RNF135: variants seen among roughly 807,000 people sequenced by gnomAD.
The protein encoded by RNF135 is E3 ubiquitin-protein ligase RNF135.
A neutral mutation model predicts 41.9 loss-of-function variants in RNF135; 46 were observed. That is an observed-to-expected ratio of 1.10 (90% CI 0.87 to 1.40). The LOEUF is 1.40. RNF135 is among the 40% of genes most tolerant of loss of function. The probability of loss-of-function intolerance (pLI) is 0.00; values close to 1 mark genes in which losing one functional copy is unlikely to be tolerated. For missense variants in RNF135, 539 were observed against 549.8 expected (o/e 0.98, Z 0.20); for synonymous variants, 238 against 223.8 (o/e 1.06, Z -0.57).
Position 30,974,342 on chromosome 17 carries a change from G to A in RNF135, c.372+2897G>A, listed in dbSNP as rs372853106. On this transcript the variant is annotated intron_variant, in intron 1 of 4. Coordinates refer to ENST00000328381, the MANE Select transcript of RNF135 (RefSeq NM_032322.4). ...ATAAATAGAGAAGTGTGAGTTCTTT[G>A]ACTTTGTTTTTTGTTTTTTTTCCCC... Among the ~76,000 whole-genome samples the A allele has an allele frequency of 5.9e-4, 89 of 152,130 alleles. 1 individual carries two copies. In the South Asian group the frequency reaches 0.018, roughly 30 times the overall value.
intron 1 of RNF135, among the ~76,000 whole-genome samples, chr17:30,974,911 C>T (rs1182898573): frequency 1.3e-5 from 2 of 152,016 alleles, no homozygotes; most frequent in Non-Finnish European, 2.9e-5. Flanking sequence ...CTCTTGACCT[C>T]AGGTGATCTG....
At chr17:30,976,253 C>T (rs899330627) in intron 1 of RNF135, among the ~76,000 whole-genome samples, 6 of 152,196 alleles carry the variant, frequency 3.9e-5, no homozygotes, top group African/African-American at 7.2e-5. Context: ...ATCCACCCGC[C>T]TCGGCCTCCC....
At chr17:30,970,709 T>A (rs1905819219), upstream of RNF135, 1 of 301,156 alleles carries the variant, frequency 3.3e-6, no homozygotes, top group Admixed American at 5.0e-5. Flanking sequence ...TGCATCTTTT[T>A]TGTTGTTTAT....
At chr17:30,974,691 T>A (rs7208991) in intron 1 of RNF135, among the ~76,000 whole-genome samples, 27,841 of 148,268 alleles carry the variant, frequency 0.19, 7,957 homozygotes, top group African/African-American at 0.64. Context: ...TATTATTATT[T>A]TTTTTTGAGA....
chr17:30,983,353 A>C, intron 1 of RNF135, among the ~76,000 whole-genome samples: 1 of 35,734 alleles, frequency 2.8e-5, no homozygotes, highest in African/African-American at 9.1e-5. Context: ...ATATATATAT[A>C]TTTTTTTTTT....
chr17:30,969,767 T>TTTTTTTTTTTTTTTTTTC (rs1905736257), upstream of RNF135, among the ~76,000 whole-genome samples: 1 of 136,354 alleles, frequency 7.3e-6, no homozygotes, highest in Non-Finnish European at 1.6e-5. Context: ...TTCTTTTTTT[T>TTTTTTTTTTTTTTTTTTC]TTTTTTTTTT....
chr17:30,970,127 T>A (rs1188797785), upstream of RNF135: 2 of 151,722 alleles, frequency 1.3e-5, no homozygotes, highest in Non-Finnish European at 2.9e-5. Context: ...GATTGGGGAG[T>A]TGTGGGTTTT....
At chr17:30,993,210 G>A (rs927405687) in intron 3 of RNF135, among the ~76,000 whole-genome samples, 1 of 151,812 alleles carries the variant, frequency 6.6e-6, no homozygotes, top group Non-Finnish European at 1.5e-5. Flanking sequence ...ATAGGCTCCC[G>A]ACACCACATC....
At chr17:30,962,061 C>CT in the RNF135 span, among the ~76,000 whole-genome samples, 1 of 152,148 alleles carries the variant, frequency 6.6e-6, no homozygotes, top group African/African-American at 2.4e-5. Context: ...AATCCTCTCT[C>CT]TGAGTGTGCT....
At chr17:30,975,689 A>C (rs1190192814) in intron 1 of RNF135, 13 of 1,421,792 alleles carry the variant, frequency 9.1e-6, no homozygotes, top group African/African-American at 8.4e-5. Context: ...TGTCGGCCTG[A>C]GAAATGCAGA....
chr17:30,976,296 G>A (rs763057775), intron 1 of RNF135, among the ~76,000 whole-genome samples: 5 of 152,152 alleles, frequency 3.3e-5, no homozygotes, highest in South Asian at 2.1e-4. Flanking sequence ...GAACCACCAC[G>A]CCCAGCCTAT....
the RNF135 span, among the ~76,000 whole-genome samples, chr17:30,961,079 C>T: frequency 6.6e-6 from 1 of 152,132 alleles, no homozygotes; most frequent in African/African-American, 2.4e-5. Context: ...GCACATGATA[C>T]CTTTGAGATT....
At chr17:30,991,186 T>A (rs1907962150) in intron 3 of RNF135, among the ~76,000 whole-genome samples, 2 of 151,754 alleles carry the variant, frequency 1.3e-5, no homozygotes, top group African/African-American at 4.8e-5. Flanking sequence ...TTTAAACCAA[T>A]CTCATGGGTC....
At chr17:30,967,828 A>C (rs1025636113), upstream of RNF135, among the ~76,000 whole-genome samples, 7 of 151,452 alleles carry the variant, frequency 4.6e-5, no homozygotes, top group African/African-American at 7.3e-5. Context: ...CAGCCTCCTG[A>C]GTAGCTGGGA....
chr17:30,975,648 C>G (rs557577337), intron 1 of RNF135: 41 of 1,217,048 alleles, frequency 3.4e-5, no homozygotes, highest in Non-Finnish European at 5.0e-5. Flanking sequence ...ACTCCACAAC[C>G]GCCAATACCG....
At position 30,971,144 on chromosome 17, in the gene RNF135, G is replaced by A; in HGVS notation, c.71G>A (p.Cys24Tyr). Residue 24 changes from cysteine (C) to tyrosine (Y), a missense_variant, in exon 1 of 5, where the codon TGC becomes TAC. This residue lies in a region of RNF135 where 277 missense variants were observed against 212.8 expected (regional missense o/e 1.30). Coordinates refer to ENST00000328381, the MANE Select transcript of RNF135 (RefSeq NM_032322.4). ...LAEDDLGCII[C>Y]QGLLDWPATL... ...GAGGACGACCTCGGCTGCATCATCT[G>A]CCAGGGGCTGCTGGACTGGCCCGCC... The A allele has an allele frequency of 2.6e-6, 4 of 1,533,928 alleles. No individual in the cohort carries two copies. Among genetic ancestry groups the A allele is most frequent in the Non-Finnish European group, 3.5e-6 (4 of 1,145,966 alleles).
rs761541358 is a variant in RNF135, at chr17:30,998,928, T to A, written c.1036T>A (p.Ser346Thr). 1 of 1,613,748 alleles carries A rather than the reference T, an allele frequency of 6.2e-7. No individual in the cohort carries two copies. Among genetic ancestry groups the A allele is most frequent in the Non-Finnish European group, 8.5e-7 (1 of 1,179,830 alleles). Residue 346 changes from serine (S) to threonine (T), a missense_variant, in exon 5 of 5, where the codon TCT becomes ACT. Ser to Thr is a moderately conservative substitution (Grantham distance 58). Transcript: ENST00000328381. ...RDQVLGRTMD[S>T]CCVEWKGTSQ... is the part of the protein sequence containing the mutation. ...CCAGGTCCTGGGAAGGACTATGGACTCTTGTTGTGTGGAATGGAAGGGGAC... is the reference window on the plus strand; with the variant it reads ...CCAGGTCCTGGGAAGGACTATGGACACTTGTTGTGTGGAATGGAAGGGGAC...
intron 1 of RNF135, among the ~76,000 whole-genome samples, chr17:30,984,008 A>G (rs939211099): frequency 6.6e-6 from 1 of 151,832 alleles, no homozygotes; most frequent in Non-Finnish European, 1.5e-5. Flanking sequence ...ATATGTTTTT[A>G]TTGTTGAGTT....
intron 1 of RNF135, chr17:30,972,281 T>C (rs899590774): frequency 6.6e-6 from 1 of 151,900 alleles, no homozygotes; most frequent in African/African-American, 2.4e-5. Context: ...TATGTTTTTT[T>C]CTTTTTTTAA....
Sources: gnomAD v4.1 joint callset for allele counts (sites outside exome capture counted in the v4.1 genomes callset) on GRCh38, gnomAD v4.1.1 for gene constraint, gnomAD v4.1.1 regional missense constraint, MANE v1.5 for transcripts, NCBI Gene and HGNC (gene_info 2026-07-23, HGNC 2026-07-21) for gene names.